RNF144B: variants seen among roughly 807,000 people sequenced by gnomAD.
The protein encoded by RNF144B is E3 ubiquitin-protein ligase RNF144B.
In RNF144B, 25 loss-of-function variants were observed where a neutral mutation model predicts 40.2. That is an observed-to-expected ratio of 0.62 (90% confidence interval 0.45 to 0.87). The LOEUF (loss-of-function observed/expected upper bound fraction) is 0.87. RNF144B is among the 40% of genes least tolerant of loss of function. RNF144B has a pLI of 0.00. For missense variants in RNF144B, 365 were observed against 373.7 expected (o/e 0.98, Z 0.19); for synonymous variants, 145 against 136.3 (o/e 1.06, Z -0.44).
intron 7 of RNF144B, 102 bp downstream of exon 7, chr6:18,463,482 T>A: frequency 1.4e-6 from 1 of 735,844 alleles, no homozygotes; most frequent in Non-Finnish European, 2.4e-6. Flanking sequence ...GGAGGTACCA[T>A]CCCAGCCTGG....
intron 3 of RNF144B, among the ~76,000 whole-genome samples, chr6:18,439,170 AG>A (rs1758891710): frequency 6.6e-6 from 1 of 152,190 alleles, no homozygotes. Flanking sequence ...CGAGGGCTCT[AG>A]GAAGTGACTC....
chr6:18,401,378 T>A (rs1249824427), intron 2 of RNF144B, among the ~76,000 whole-genome samples: 1 of 152,204 alleles, frequency 6.6e-6, no homozygotes, highest in Non-Finnish European at 1.5e-5. Context: ...TCATCTAGAT[T>A]CACACTTCCT....
In RNF144B at chr6:18,446,865, G is replaced by GTGTC. The variant is rs1272052844; in HGVS notation, c.331+7124_331+7125insCTGT. Among the ~76,000 whole-genome samples the GTGTC allele has an allele frequency of 1.6e-5, 2 of 123,278 alleles. No individual in the cohort carries two copies. Among genetic ancestry groups the GTGTC allele is most frequent in the African/African-American group, 5.3e-5 (2 of 37,474 alleles). The allele number at this position is 123,278 out of a possible 152,430, so 80.9% of individuals were successfully genotyped here. On this transcript the variant is annotated intron_variant, in intron 4 of 7. Coordinates refer to ENST00000259939, the MANE Select transcript of RNF144B (RefSeq NM_182757.4). The surrounding 1 kb of genome is among the most constrained non-coding windows in gnomAD (Gnocchi z 4.7). ...GGTGTGTGTGTGTGTGTGTGTGTGT[G>GTGTC]TGTGTGTGTCTGTGTGTGTGTTGTG...
chr6:18,396,651 T>A, intron 1 of RNF144B: 1 of 985,368 alleles, frequency 1.0e-6, no homozygotes. Context: ...GGATTTCTCT[T>A]GAAAGAAAGA....
chr6:18,431,367 T>G (rs1416101172), intron 3 of RNF144B, among the ~76,000 whole-genome samples: 3 of 152,206 alleles, frequency 2.0e-5, no homozygotes, highest in African/African-American at 7.2e-5. Context: ...ATATTGGAGA[T>G]ATGGGTAGCT....
Position 18,447,287 on chromosome 6 carries a change from A to G in RNF144B, c.331+7543A>G, listed in dbSNP as rs1264248052. Among the ~76,000 whole-genome samples the G allele has an allele frequency of 1.3e-5, 2 of 152,158 alleles. No homozygotes were observed. Among genetic ancestry groups the G allele is most frequent in the Non-Finnish European group, 1.5e-5 (1 of 68,032 alleles). ...ATTTCAGGCAGAGGTAAAGGTACCT[A>G]CAAAGCCCCTGAGGCAAGAACAAGC... On this transcript the variant is annotated intron_variant, in intron 4 of 7. Transcript: ENST00000259939. The surrounding 1 kb of genome is among the most constrained non-coding windows in gnomAD (Gnocchi z 5.6).
chr6:18,459,601 T>G lies in RNF144B; in HGVS notation c.537-6T>G. On this transcript the variant is annotated splice_polypyrimidine_tract_variant and splice_region_variant and intron_variant, in intron 5 of 7. Transcript: ENST00000259939. The surrounding 1 kb of genome is among the most constrained non-coding windows in gnomAD (Gnocchi z 4.2). ...GAATGCCATTTCTCATCCATTTTGT[T>G]TCTAGAGCCCTCTTTGGGACAGATG... 2 of 1,612,318 alleles carry G rather than the reference T, an allele frequency of 1.2e-6. No individual in the cohort carries two copies. Among genetic ancestry groups the G allele is most frequent in the Non-Finnish European group, 1.7e-6 (2 of 1,178,854 alleles).
At position 18,446,888 on chromosome 6, in the gene RNF144B, G is replaced by T. The variant is rs1390318439; in HGVS notation, c.331+7144G>T. Among the ~76,000 whole-genome samples, 1 of 149,624 alleles carries T rather than the reference G, an allele frequency of 6.7e-6. No individual in the cohort carries two copies. Among genetic ancestry groups the T allele is most frequent in the Non-Finnish European group, 1.5e-5 (1 of 67,802 alleles). ...GTGTGTGTGTGTCTGTGTGTGTGTT[G>T]TGTGTTTGTTGGCTCAACAAATATG... is the stretch of plus-strand genomic sequence containing the variant. On this transcript the variant is annotated intron_variant, in intron 4 of 7. Coordinates refer to ENST00000259939, the MANE Select transcript of RNF144B (RefSeq NM_182757.4). This position sits in a 1 kb window ranked among gnomAD's most constrained non-coding sequence, Gnocchi z 4.7.
In RNF144B at chr6:18,422,639, C is replaced by T. The variant is rs893281110; in HGVS notation, c.166-4942C>T. ...GGACCCCAGCGCCTGCATCCAGAAG[C>T]ATCTAAGATCCTGGAAGTCAACTTA... On this transcript the variant is annotated intron_variant, in intron 2 of 7. Transcript: ENST00000259939. This position sits in a 1 kb window ranked among gnomAD's most constrained non-coding sequence, Gnocchi z 4.7. 6.6e-6 allele frequency among the ~76,000 whole-genome samples: 1 copy of T among 152,160 alleles called. No homozygotes were observed. Among genetic ancestry groups the T allele is most frequent in the Non-Finnish European group, 1.5e-5 (1 of 68,046 alleles).
chr6:18,394,178 G>A (rs573761757), intron 1 of RNF144B, among the ~76,000 whole-genome samples: 11 of 152,270 alleles, frequency 7.2e-5, no homozygotes, highest in African/African-American at 2.6e-4. Flanking sequence ...AGGGATAAGT[G>A]TCCTAATAAT....
chr6:18,433,822 G>A (rs1208647793), intron 3 of RNF144B, among the ~76,000 whole-genome samples: 1 of 152,208 alleles, frequency 6.6e-6, no homozygotes, highest in Non-Finnish European at 1.5e-5. Context: ...ATGGGTGAAT[G>A]TGCTGTTTTT....
intron 3 of RNF144B, among the ~76,000 whole-genome samples, chr6:18,432,656 G>C (rs1215836450): frequency 6.6e-6 from 1 of 152,168 alleles, no homozygotes; most frequent in Non-Finnish European, 1.5e-5. Context: ...TCACTTCCTG[G>C]GAAAGTTTGA....
rs1402435432 is a variant in RNF144B at position 18,406,047 on chromosome 6, G to A, written c.165+6348G>A. 5.8e-6 allele frequency: 3 copies of A among 518,672 alleles called. No homozygotes were observed. The highest frequency in any genetic ancestry group is 7.7e-6 in the Non-Finnish European group (2 of 259,772). The allele number at this position is 518,672 out of a possible 1,614,324, so 32.1% of individuals were successfully genotyped here. A position where few individuals can be genotyped will look rare whatever the true frequency, so the allele number is the denominator to read the frequency against. On this transcript the variant is annotated intron_variant, in intron 2 of 7. Coordinates refer to ENST00000259939, the MANE Select transcript of RNF144B (RefSeq NM_182757.4). The surrounding 1 kb of genome is among the most constrained non-coding windows in gnomAD (Gnocchi z 4.2). ...AATGGGTCTCAAGTTTGGTAGCTTA[G>A]GCTTTATTTATTCAACAAATATTTG...
chr6:18,402,330 A>G lies in RNF144B; in HGVS notation c.165+2631A>G, dbSNP rs142515243. Among the ~76,000 whole-genome samples, 12 of 88,048 alleles carry G rather than the reference A, an allele frequency of 1.4e-4. 5 individuals carry two copies. The East Asian group carries it at 3.6e-3, about 27-fold the overall frequency. The allele number at this position is 88,048 out of a possible 152,430, so 57.8% of individuals were successfully genotyped here. On this transcript the variant is annotated intron_variant, in intron 2 of 7. Coordinates refer to ENST00000259939, the MANE Select transcript of RNF144B (RefSeq NM_182757.4). Reference sequence around the variant, plus strand: ...ATAGGGGGTGCAGTATACTCTGGGTATGCAGAAGGGACAGATGTGGAGTAT... The same window carrying G: ...ATAGGGGGTGCAGTATACTCTGGGTGTGCAGAAGGGACAGATGTGGAGTAT...
Position 18,457,467 on chromosome 6 carries a change from A to AT in RNF144B, c.536+112dup, listed in dbSNP as rs1293605364. On this transcript the variant is annotated intron_variant, in intron 5 of 7. Transcript: ENST00000259939. This position sits in a 1 kb window ranked among gnomAD's most constrained non-coding sequence, Gnocchi z 5.1. Reference sequence around the variant, plus strand: ...TTGTGATGGCGTTTAGAGATTGGTTATTTTCCTGCAGAACTTCCCTGAGAA... The same window carrying AT: ...TTGTGATGGCGTTTAGAGATTGGTTATTTTTCCTGCAGAACTTCCCTGAGAA... The AT allele has an allele frequency of 1.2e-6, 1 of 848,814 alleles. No homozygotes were observed. Among genetic ancestry groups the AT allele is most frequent in the Non-Finnish European group, 2.0e-6 (1 of 508,122 alleles). 52.6% of individuals were successfully genotyped at this position (848,814 alleles called of 1,614,324 possible). A position where few individuals can be genotyped will look rare whatever the true frequency, so the allele number is the denominator to read the frequency against.
Position 18,427,610 on chromosome 6 carries a change from C to A in RNF144B, c.195C>A (p.Ile65=), listed in dbSNP as rs759442640. The change falls in exon 3 of 8, where the codon ATC becomes ATA. Residue 65 remains isoleucine (I), a synonymous_variant. Coordinates refer to ENST00000259939, the MANE Select transcript of RNF144B (RefSeq NM_182757.4). The part of the protein sequence containing the change: ...ACLKQYMQLA[I]REGCGSPITC... ...TGAAACAGTACATGCAGCTGGCAATCCGAGAAGGATGTGGGTCTCCCATCA... is the reference window on the plus strand; with the variant it reads ...TGAAACAGTACATGCAGCTGGCAATACGAGAAGGATGTGGGTCTCCCATCA... The A allele has an allele frequency of 1.2e-6, 2 of 1,613,608 alleles. No individual in the cohort carries two copies. Among genetic ancestry groups the A allele is most frequent in the Non-Finnish European group, 1.7e-6 (2 of 1,179,742 alleles).
intron 2 of RNF144B, among the ~76,000 whole-genome samples, chr6:18,411,212 T>TG (rs1795026307): frequency 1.3e-5 from 2 of 151,768 alleles, no homozygotes; most frequent in African/African-American, 4.8e-5. Context: ...CTCGATCTCC[T>TG]GATCTTATGA....
At position 18,465,023 on chromosome 6, in the gene RNF144B, TC is replaced by T; in HGVS notation, c.870del (p.Cys291ValfsTer32). On this transcript the variant is annotated frameshift_variant, in exon 8 of 8. Transcript: ENST00000259939. LOFTEE classifies it high-confidence loss of function. ...SPCIICCVCK[S>X]CRGKKKKHDP... ...ATGTATAATCTGTTGTGTCTGCAAG[TC>T]CTGTCGGGGCAAGAAGAAAAAGCAC... The T allele has an allele frequency of 6.2e-7, 1 of 1,613,866 alleles. No individual in the cohort carries two copies. The highest frequency in any genetic ancestry group is 1.7e-5 in the Admixed American group (1 of 59,966).
intron 1 of RNF144B, among the ~76,000 whole-genome samples, chr6:18,394,046 A>G (rs1794640982): frequency 6.6e-6 from 1 of 152,216 alleles, no homozygotes; most frequent in South Asian, 2.1e-4. Context: ...CTGTGGCATC[A>G]GTAATATCTA....
Sources: gnomAD v4.1 joint callset for allele counts (sites outside exome capture counted in the v4.1 genomes callset) on GRCh38, gnomAD v4.1.1 for gene constraint, Gnocchi (gnomAD v3.1) non-coding constraint, MANE v1.5 for transcripts, NCBI Gene and HGNC (gene_info 2026-07-23, HGNC 2026-07-21) for gene names.